The following EFNA5 variants were observed in gnomAD, a reference collection of about 807,000 sequenced individuals.
EFNA5 encodes ephrin A5.
Under a neutral mutation model 22.9 loss-of-function variants are expected in EFNA5, and 5 were observed. That is an observed-to-expected ratio of 0.22 (90% CI 0.11 to 0.46). EFNA5 has a LOEUF of 0.46. Ranked by LOEUF, EFNA5 falls within the 20% of genes least tolerant of loss-of-function variation. The pLI, the probability that EFNA5 is intolerant of heterozygous loss-of-function variation, is 0.99. For missense variants in EFNA5, 237 were observed against 293.3 expected (o/e 0.81, Z 1.40); for synonymous variants, 113 against 112.2 (o/e 1.01, Z -0.04).
chr5:107,546,859 A>G (rs1019291753), intron 1 of EFNA5, among the ~76,000 whole-genome samples: 4 of 152,162 alleles, frequency 2.6e-5, no homozygotes, highest in African/African-American at 9.7e-5. Flanking sequence ...GACTCCTTCA[A>G]CACCAGGGAA....
intron 1 of EFNA5, among the ~76,000 whole-genome samples, chr5:107,505,281 G>A (rs942821887): frequency 6.6e-6 from 1 of 152,076 alleles, no homozygotes; most frequent in Non-Finnish European, 1.5e-5. Flanking sequence ...AAGTTCAAAG[G>A]ACTTAGGAAA....
chr5:107,382,347 TTTTA>T (rs1747491180), intron 4 of EFNA5, among the ~76,000 whole-genome samples: 2 of 152,214 alleles, frequency 1.3e-5, no homozygotes, highest in African/African-American at 2.4e-5. Flanking sequence ...TAACTTATGC[TTTTA>T]TTTACTTTTA....
Position 107,505,571 on chromosome 5 carries a change from A to G in EFNA5, c.126-78062T>C, listed in dbSNP as rs114856232. ...TGATACACACACATACACCCCTCCT[A>G]TATCCTCAAAAAAGTAGCATATCAC... On this transcript the variant is annotated intron_variant, in intron 1 of 4. Transcript: ENST00000333274. Among the ~76,000 whole-genome samples the G allele has an allele frequency of 8.1e-3, 1,235 of 152,274 alleles. 14 individuals are homozygous for G. Among genetic ancestry groups the G allele is most frequent in the African/African-American group, 0.028 (1,184 of 41,552 alleles).
chr5:107,453,828 A>T (rs1228453470), intron 1 of EFNA5, among the ~76,000 whole-genome samples: 1 of 152,184 alleles, frequency 6.6e-6, no homozygotes, highest in Non-Finnish European at 1.5e-5. Context: ...AAGGGCCACA[A>T]GCAAAATCAG....
intron 1 of EFNA5, among the ~76,000 whole-genome samples, chr5:107,544,291 G>T (rs1580522261): frequency 6.6e-6 from 1 of 152,146 alleles, no homozygotes; most frequent in African/African-American, 2.4e-5. Flanking sequence ...TAAATGCTGG[G>T]GCTCAGCCCC....
At chr5:107,381,440 G>T in intron 4 of EFNA5, 64 bp from the exon 5 acceptor site, 1 of 1,543,408 alleles carries the variant, frequency 6.5e-7, no homozygotes, top group Non-Finnish European at 8.8e-7. Flanking sequence ...TCTTGCAGCA[G>T]CCTGCTGTTA....
intron 1 of EFNA5, among the ~76,000 whole-genome samples, chr5:107,482,795 G>GCTCTCT (rs34075560): frequency 1.5e-5 from 2 of 130,108 alleles, no homozygotes; most frequent in Admixed American, 1.6e-4. Context: ...CTTTTTGGCT[G>GCTCTCT]CTCTCTCTCT....
chr5:107,547,180 G>C (rs371162842), intron 1 of EFNA5, among the ~76,000 whole-genome samples: 3 of 152,208 alleles, frequency 2.0e-5, no homozygotes, highest in East Asian at 1.9e-4. Flanking sequence ...CTGTACCATT[G>C]GCCTGTCTGA....
chr5:107,603,584 C>T (rs529302921), intron 1 of EFNA5, among the ~76,000 whole-genome samples: 5 of 152,308 alleles, frequency 3.3e-5, no homozygotes, highest in South Asian at 2.1e-4. Flanking sequence ...CACCTACTAA[C>T]GACCAGCTCC....
chr5:107,630,418 T>C (rs1750225977), intron 1 of EFNA5, among the ~76,000 whole-genome samples: 2 of 152,228 alleles, frequency 1.3e-5, no homozygotes, highest in African/African-American at 4.8e-5. Context: ...CTGAACACTG[T>C]AGGCAATTGT....
intron 1 of EFNA5, among the ~76,000 whole-genome samples, chr5:107,461,821 TA>T (rs887644289): frequency 2.6e-5 from 4 of 152,076 alleles, no homozygotes; most frequent in African/African-American, 9.6e-5. Context: ...AATTTTTTTT[TA>T]AAAAAAGCAT....
intron 1 of EFNA5, among the ~76,000 whole-genome samples, chr5:107,610,915 T>C (rs1440063888): frequency 1.3e-5 from 2 of 152,180 alleles, no homozygotes; most frequent in Non-Finnish European, 2.9e-5. Context: ...TTTCGATCTT[T>C]GCTATTTCAG....
intron 1 of EFNA5, among the ~76,000 whole-genome samples, chr5:107,662,088 T>C (rs2112561451): frequency 6.6e-6 from 1 of 152,300 alleles, no homozygotes; most frequent in South Asian, 2.1e-4. Flanking sequence ...TTAGTTCATT[T>C]AAAAACAAAA....
intron 1 of EFNA5, among the ~76,000 whole-genome samples, chr5:107,456,500 T>C (rs78529238): frequency 0.021 from 3,246 of 152,216 alleles, 55 homozygotes; most frequent in Non-Finnish European, 0.031. Flanking sequence ...AAAAGTGGCA[T>C]GTGTAGAAGC....
chr5:107,573,566 T>G (rs192728991), intron 1 of EFNA5, among the ~76,000 whole-genome samples: 1 of 152,212 alleles, frequency 6.6e-6, no homozygotes, highest in African/African-American at 2.4e-5. Flanking sequence ...GAAATATTTA[T>G]TCAGTGTTAG....
At chr5:107,455,253 T>C (rs759597940) in intron 1 of EFNA5, among the ~76,000 whole-genome samples, 1 of 152,162 alleles carries the variant, frequency 6.6e-6, no homozygotes, top group Non-Finnish European at 1.5e-5. Context: ...TTTCATCTGG[T>C]GTACTTGCCA....
intron 1 of EFNA5, among the ~76,000 whole-genome samples, chr5:107,662,256 C>T (rs1382513896): frequency 6.6e-6 from 1 of 152,116 alleles, no homozygotes; most frequent in Admixed American, 6.5e-5. Context: ...CATTTATTGC[C>T]TTTACACTAC....
chr5:107,440,413 A>G (rs973055492), intron 1 of EFNA5, among the ~76,000 whole-genome samples: 14 of 152,340 alleles, frequency 9.2e-5, no homozygotes, highest in African/African-American at 2.2e-4. Flanking sequence ...ACTATAGTTC[A>G]AAGGGAGTGC....
At chr5:107,463,708 A>G (rs1360131976) in intron 1 of EFNA5, among the ~76,000 whole-genome samples, 3 of 152,008 alleles carry the variant, frequency 2.0e-5, no homozygotes, top group Non-Finnish European at 4.4e-5. Flanking sequence ...GGGATGCTAT[A>G]GCTATAAGAA....
Sources: allele counts gnomAD v4.1 joint callset (sites outside exome capture counted in the v4.1 genomes callset), GRCh38; gene constraint gnomAD v4.1.1; transcripts MANE v1.5; gene names NCBI Gene and HGNC (gene_info 2026-07-23, HGNC 2026-07-21).